TAFA4: variants seen among roughly 807,000 people sequenced by gnomAD.
The protein encoded by TAFA4 is chemokine-like protein TAFA-4.
TAFA4 carries 20 observed loss-of-function variants against 21.1 expected under a neutral mutation model. That is an observed-to-expected ratio of 0.95 (90% confidence interval 0.67 to 1.38). TAFA4 has a LOEUF of 1.38. TAFA4 is among the 40% of genes most tolerant of loss of function. The pLI is 0.00. For missense variants in TAFA4, 211 were observed against 180.9 expected (o/e 1.17, Z -0.95); for synonymous variants, 71 against 67.4 (o/e 1.05, Z -0.26).
At chr3:68,780,223 C>T (rs959836741) in intron 3 of TAFA4, among the ~76,000 whole-genome samples, 81 of 152,284 alleles carry the variant, frequency 5.3e-4, no homozygotes, top group Non-Finnish European at 7.3e-5. Flanking sequence ...TTTACAGGCT[C>T]ATAGGCAGAA....
At chr3:68,922,551 C>T (rs181004730) in intron 1 of TAFA4, among the ~76,000 whole-genome samples, 6 of 152,326 alleles carry the variant, frequency 3.9e-5, no homozygotes, top group Admixed American at 3.3e-4. Context: ...ATGAAACTTA[C>T]ATATGGATAT....
intron 3 of TAFA4, among the ~76,000 whole-genome samples, chr3:68,837,398 C>T (rs1024167285): frequency 1.3e-4 from 20 of 152,202 alleles, no homozygotes; most frequent in African/African-American, 4.6e-4. Flanking sequence ...CCCATGAGGA[C>T]GTAAGTGATC....
At chr3:68,837,346 A>G (rs1704548179) in intron 3 of TAFA4, among the ~76,000 whole-genome samples, 1 of 152,212 alleles carries the variant, frequency 6.6e-6, no homozygotes, top group Non-Finnish European at 1.5e-5. Flanking sequence ...GGTGTGACAC[A>G]TATGATCTCT....
chr3:68,823,797 G>A (rs1022648886), intron 3 of TAFA4, among the ~76,000 whole-genome samples: 1 of 152,046 alleles, frequency 6.6e-6, no homozygotes, highest in Non-Finnish European at 1.5e-5. Context: ...CCTTTTTATG[G>A]CTGCATAGTA....
intron 3 of TAFA4, among the ~76,000 whole-genome samples, chr3:68,775,976 G>A (rs754872264): frequency 6.6e-6 from 1 of 151,924 alleles, no homozygotes; most frequent in Non-Finnish European, 1.5e-5. Flanking sequence ...AGTACTAAGA[G>A]GGAAAAAGCA....
At chr3:68,884,191 C>A (rs918823500) in intron 2 of TAFA4, among the ~76,000 whole-genome samples, 1 of 152,232 alleles carries the variant, frequency 6.6e-6, no homozygotes, top group African/African-American at 2.4e-5. Flanking sequence ...ATTCCTCCCG[C>A]TTCCCCTATA....
At chr3:68,846,061 G>C (rs976043692) in intron 3 of TAFA4, among the ~76,000 whole-genome samples, 26 of 152,232 alleles carry the variant, frequency 1.7e-4, no homozygotes, top group Non-Finnish European at 2.9e-5. Flanking sequence ...AATGTGGCCT[G>C]TCTTGCTAGG....
rs543721755 is a variant in TAFA4 at position 68,896,869 on chromosome 3, AT to A, written c.-122-11560del. Among the ~76,000 whole-genome samples, 288 of 152,310 alleles carry A rather than the reference AT, an allele frequency of 1.9e-3. 7 individuals carry two copies. Among genetic ancestry groups the A allele is most frequent in the Non-Finnish European group, 2.8e-4 (19 of 68,006 alleles). On this transcript the variant is annotated intron_variant, in intron 1 of 5. Transcript: ENST00000295569. ...TTTCAACAATACTCATTTTTATCTT[AT>A]GGACACTGTACTTCATACAATCTGT...
intron 3 of TAFA4, among the ~76,000 whole-genome samples, chr3:68,754,388 T>G (rs1007804061): frequency 5.9e-5 from 9 of 152,260 alleles, no homozygotes; most frequent in Non-Finnish European, 1.2e-4. Flanking sequence ...TTTCTTGACC[T>G]TGACATTTTT....
intron 3 of TAFA4, among the ~76,000 whole-genome samples, chr3:68,823,017 C>T (rs1329948832): frequency 6.6e-6 from 1 of 152,108 alleles, no homozygotes; most frequent in Admixed American, 6.6e-5. Context: ...CCTAACAGTC[C>T]TATTGCCCAT....
chr3:68,831,178 G>C (rs560366551), intron 3 of TAFA4, among the ~76,000 whole-genome samples: 1 of 152,216 alleles, frequency 6.6e-6, no homozygotes, highest in East Asian at 1.9e-4. Context: ...GGGGCCTTTA[G>C]CCCATTACAT....
At chr3:68,808,990 T>C (rs1489750018) in intron 3 of TAFA4, among the ~76,000 whole-genome samples, 1 of 152,158 alleles carries the variant, frequency 6.6e-6, no homozygotes, top group African/African-American at 2.4e-5. Flanking sequence ...GAGGTACACA[T>C]GTCACTTCCA....
Position 68,762,301 on chromosome 3 carries a change from T to C in TAFA4, c.131-9283A>G, listed in dbSNP as rs561878775. 2.6e-5 allele frequency among the ~76,000 whole-genome samples: 4 copies of C among 152,122 alleles called. No homozygotes were observed. The South Asian group carries it at 6.2e-4, about 24-fold the overall frequency. ...GAGAAATTGTAGACAATAACTATAA[T>C]GACTATTTGAGAAATGGTGTTATCA... On this transcript the variant is annotated intron_variant, in intron 3 of 5. Coordinates refer to ENST00000295569, the MANE Select transcript of TAFA4 (RefSeq NM_182522.5).
chr3:68,827,712 T>C (rs1704283219), intron 3 of TAFA4, among the ~76,000 whole-genome samples: 1 of 152,244 alleles, frequency 6.6e-6, no homozygotes. Flanking sequence ...TCATATCCCT[T>C]GCCCACTTTT....
chr3:68,842,980 C>G (rs1208397583), intron 3 of TAFA4, among the ~76,000 whole-genome samples: 1 of 152,158 alleles, frequency 6.6e-6, no homozygotes, highest in African/African-American at 2.4e-5. Context: ...ATGCCTCCAG[C>G]TTCGTTCTTT....
intron 3 of TAFA4, among the ~76,000 whole-genome samples, chr3:68,858,069 A>G (rs1680875696): frequency 6.6e-6 from 1 of 152,038 alleles, no homozygotes; most frequent in South Asian, 2.1e-4. Flanking sequence ...GTCAGATGCC[A>G]CTCACTTCAG....
intron 3 of TAFA4, among the ~76,000 whole-genome samples, chr3:68,781,941 A>C (rs1437220070): frequency 6.6e-6 from 1 of 152,206 alleles, no homozygotes; most frequent in African/African-American, 2.4e-5. Context: ...CTTTCGATTT[A>C]GCAATGAATT....
At chr3:68,809,043 T>C (rs1280449345) in intron 3 of TAFA4, among the ~76,000 whole-genome samples, 2 of 152,196 alleles carry the variant, frequency 1.3e-5, no homozygotes, top group African/African-American at 4.8e-5. Flanking sequence ...ATCAAACATG[T>C]CAATGAGGCA....
At chr3:68,781,014 AAAAGT>A (rs1427755066) in intron 3 of TAFA4, among the ~76,000 whole-genome samples, 2 of 152,172 alleles carry the variant, frequency 1.3e-5, no homozygotes, top group Non-Finnish European at 2.9e-5. Flanking sequence ...CAAACTATTG[AAAAGT>A]AAACAATACA....
Sources: allele counts gnomAD v4.1 joint callset (sites outside exome capture counted in the v4.1 genomes callset), GRCh38; gene constraint gnomAD v4.1.1; transcripts MANE v1.5; gene names NCBI Gene and HGNC (gene_info 2026-07-23, HGNC 2026-07-21).